Variants in FLG observed in about 807,000 individuals in gnomAD.
The protein encoded by FLG is epidermal filaggrin.
FLG carries 6 observed loss-of-function variants against 3.8 expected under a neutral mutation model. The observed-to-expected ratio is 1.60, with a 90% confidence interval of 0.87 to 3.15. The LOEUF is 3.15. FLG is among the 30% of genes most tolerant of loss of function. The probability of loss-of-function intolerance (pLI) is 0.00; values close to 1 mark genes in which losing one functional copy is unlikely to be tolerated. For missense variants in FLG, 7,595 were observed against 5,050.9 expected (o/e 1.50, Z -15.27); for synonymous variants, 2,551 against 1,931.6 (o/e 1.32, Z -8.41).
chr1:152,314,859 C>T, intron 2 of FLG, 112 bp from the exon 3 acceptor site: 1 of 1,343,750 alleles, frequency 7.4e-7, no homozygotes, highest in East Asian at 2.4e-5. Flanking sequence ...AAAAGTGGGA[C>T]AAAATCTTTT....
chr1:152,308,360 T>C lies in FLG; in HGVS notation c.6526A>G (p.Arg2176Gly). 6.2e-7 allele frequency: 1 copy of C among 1,613,762 alleles called. No homozygotes were observed. Among genetic ancestry groups the C allele is most frequent in the Admixed American group, 1.7e-5 (1 of 59,966 alleles). ...GACTGCCCACGGGAGGCATCAGACC[T>C]TCCCTGGGATGTGGTGTGGCTGTGA... is the stretch of plus-strand genomic sequence containing the variant. Reference protein sequence around the residue: ...SHHSHTTSQGRSDASRGQSGS... With the variant: ...SHHSHTTSQGGSDASRGQSGS... Residue 2176 changes from arginine (R) to glycine (G), a missense_variant, in exon 3 of 3, where the codon AGG becomes GGG. Arg to Gly is a moderately radical substitution (Grantham distance 125). Coordinates refer to ENST00000368799, the MANE Select transcript of FLG (RefSeq NM_002016.2).
rs773092738 is a variant in FLG, at chr1:152,303,869, C to T, written c.11017G>A (p.Asp3673Asn). ...GCTGACACTGACTGTGTGTCTGAGT[C>T]TTCTGAATGTCCCTCACTGTCACTG... is the stretch of plus-strand genomic sequence containing the variant. Reference protein sequence around the residue: ...QASDSEGHSEDSDTQSVSAHG... With the variant: ...QASDSEGHSENSDTQSVSAHG... The change falls in exon 3 of 3, where the codon GAC (aspartate) becomes AAC (asparagine). Residue 3673 changes from aspartate to asparagine, a missense_variant. Transcript: ENST00000368799. 1.2e-6 allele frequency: 2 copies of T among 1,613,860 alleles called. No homozygotes were observed. Among genetic ancestry groups the T allele is most frequent in the East Asian group, 2.2e-5 (1 of 44,776 alleles).
rs1160569356 is a variant in FLG at position 152,305,107 on chromosome 1, T to A, written c.9779A>T (p.Asp3260Val). 1.2e-6 allele frequency: 2 copies of A among 1,613,938 alleles called. No individual in the cohort carries two copies. The highest frequency in any genetic ancestry group is 1.1e-5 in the South Asian group (1 of 91,032). Residue 3260 changes from aspartate to valine, a missense_variant, in exon 3 of 3, where the codon GAC (aspartate) becomes GTC (valine). By Grantham distance (152) the Asp-to-Val change is radical. Coordinates refer to ENST00000368799, the MANE Select transcript of FLG (RefSeq NM_002016.2). ...GSRHPRSHHEDRAGHGHSADR... is the reference protein window; with the variant it reads ...GSRHPRSHHEVRAGHGHSADR... ...TGCAGAGTGCCCGTGACCGGCTCTGTCTTCGTGATGGGACCTGGGGTGTCT... is the reference window on the plus strand; with the variant it reads ...TGCAGAGTGCCCGTGACCGGCTCTGACTTCGTGATGGGACCTGGGGTGTCT...
At position 152,313,476 on chromosome 1, in the gene FLG, G is replaced by C. The variant is rs756739366; in HGVS notation, c.1410C>G (p.Tyr470Ter). The change falls in exon 3 of 3, where the codon TAC becomes TAG. Residue 470 changes from tyrosine to a stop codon, truncating the protein, a stop_gained. Coordinates refer to ENST00000368799, the MANE Select transcript of FLG (RefSeq NM_002016.2). LOFTEE classifies it low-confidence loss of function (END_TRUNC). ...ERSGRSGSSLYQVSTHEQPDS... is the reference protein window; with the variant it reads ...ERSGRSGSSL ...CAGGCTGTTCATGAGTGCTCACCTG[G>C]TAGAGGGAAGACCCTGAACGTCCAG... is the stretch of plus-strand genomic sequence containing the variant. The C allele has an allele frequency of 6.2e-7, 1 of 1,613,874 alleles. No individual in the cohort carries two copies. The highest frequency in any genetic ancestry group is 8.5e-7 in the Non-Finnish European group (1 of 1,179,976).
chr1:152,307,258 C>T lies in FLG; in HGVS notation c.7628G>A (p.Ser2543Asn), dbSNP rs12081093. The stretch of plus-strand genomic sequence containing the variant: ...CTGGCCCACCTGCGAGTGTCCAGAG[C>T]TGTCGGCCCGAGAGGAAGCTTCATG... Reference protein sequence around the residue: ...RHHEASSRADSSGHSQVGQGQ... With the variant: ...RHHEASSRADNSGHSQVGQGQ... The change falls in exon 3 of 3, where the codon AGC (serine) becomes AAC (asparagine). Residue 2543 changes from serine to asparagine, a missense_variant. Transcript: ENST00000368799. 7.5e-6 allele frequency: 12 copies of T among 1,608,598 alleles called. No homozygotes were observed. Among genetic ancestry groups the T allele is most frequent in the Middle Eastern group, 3.3e-4 (2 of 6,080 alleles).
At position 152,303,152 on chromosome 1, in the gene FLG, G is replaced by C. The variant is rs773196451; in HGVS notation, c.11734C>G (p.His3912Asp). 2 of 1,614,176 alleles carry C rather than the reference G, an allele frequency of 1.2e-6. No individual in the cohort carries two copies. The highest frequency in any genetic ancestry group is 2.2e-5 in the South Asian group (2 of 91,080). ...PGSSHRDTAS[H>D]VQSSPVQSDS... The stretch of plus-strand genomic sequence containing the variant: ...GACTGTACAGGTGAAGACTGTACAT[G>C]ACTGGCTGTATCGCGGTGAGAGGAT... The change falls in exon 3 of 3, where the codon CAT (histidine) becomes GAT (aspartate). Residue 3912 changes from histidine to aspartate, a missense_variant. Transcript: ENST00000368799.
Position 152,303,775 on chromosome 1 carries a change from G to A in FLG, c.11111C>T (p.Ser3704Phe). Residue 3704 changes from serine (S) to phenylalanine (F), a missense_variant, in exon 3 of 3, where the codon TCT becomes TTT. Transcript: ENST00000368799. ...GTAGAGGAAAGACCCTGAACGTCCA[G>A]ACCTTCCTGCTGACCGGCCACGTGT... ...ESTRGRSAGR[S>F]GRSGSFLYQV... 6.2e-7 allele frequency: 1 copy of A among 1,613,722 alleles called. No individual in the cohort carries two copies. Among genetic ancestry groups the A allele is most frequent in the Non-Finnish European group, 8.5e-7 (1 of 1,179,902 alleles).
chr1:152,315,589 T>TCCA, intron 1 of FLG, 112 bp from the exon 2 acceptor site: 1 of 781,574 alleles, frequency 1.3e-6, no homozygotes. Context: ...TAATCCATCT[T>TCCA]TAAGAATGGA....
intron 1 of FLG, 53 bp from the exon 2 acceptor site, chr1:152,315,530 A>G (rs1480839901): frequency 7.4e-7 from 1 of 1,342,956 alleles, no homozygotes; most frequent in Non-Finnish European, 1.0e-6. Flanking sequence ...TTTCTAGGTT[A>G]TATTATTACA....
In FLG at chr1:152,307,791, A is replaced by G. The variant is rs769069894; in HGVS notation, c.7095T>C (p.Gly2365=). ...VRDSGHRGSS[G]SQASDSEGHS... Reference sequence around the variant, plus strand: ...GTCCCTCACTGTCACTGGCCTGACTACCACTGGACCCTCGGTGTCCACTGT... The same window carrying G: ...GTCCCTCACTGTCACTGGCCTGACTGCCACTGGACCCTCGGTGTCCACTGT... The change falls in exon 3 of 3, where the codon GGT becomes GGC. Residue 2365 remains glycine, a synonymous_variant. Coordinates refer to ENST00000368799, the MANE Select transcript of FLG (RefSeq NM_002016.2). 7 of 1,612,596 alleles carry G rather than the reference A, an allele frequency of 4.3e-6. No homozygotes were observed. The highest frequency in any genetic ancestry group is 2.2e-5 in the South Asian group (2 of 90,978).
Position 152,303,585 on chromosome 1 carries a change from T to G in FLG, c.11301A>C (p.Gly3767=). ...GCTCGTGGTAGGATCCCTGTCTTCC[T>G]CCTCTCCTTGACCCCGGGTGTCCAC... is the stretch of plus-strand genomic sequence containing the variant. ...TIRGHPGSRR[G]GRQGSYHEQS... Residue 3767 remains glycine, a synonymous_variant, in exon 3 of 3, where the codon GGA becomes GGC. Transcript: ENST00000368799. 4.3e-6 allele frequency: 7 copies of G among 1,613,792 alleles called. No homozygotes were observed. Among genetic ancestry groups the G allele is most frequent in the Non-Finnish European group, 5.9e-6 (7 of 1,179,948 alleles).
rs777951825 is a variant in FLG, at chr1:152,313,387, G to A, written c.1499C>T (p.Ala500Val). 1 of 1,613,766 alleles carries A rather than the reference G, an allele frequency of 6.2e-7. No homozygotes were observed. The highest frequency in any genetic ancestry group is 8.5e-7 in the Non-Finnish European group (1 of 1,179,888). Residue 500 changes from alanine (A) to valine (V), a missense_variant, in exon 3 of 3, where the codon GCA (alanine) becomes GTA (valine). Coordinates refer to ENST00000368799, the MANE Select transcript of FLG (RefSeq NM_002016.2). ...CGCTGAATGCCTGGAGCTGTCTCGT[G>A]CCTGCTCGTGGTGCGATCCTTGTCT... ...GGRQGSHHEQ[A>V]RDSSRHSASQ...
rs746110595 is a variant in FLG, at chr1:152,312,555, C to T, written c.2331G>A (p.Glu777=). ...TTTCCCCTGACCGGTCACGTGCGGA[C>T]TCTTGGTGGCTCTGCTGATGGTGAC... ...QAGHHQQSHQ[E]SARDRSGERS... is the part of the protein sequence containing the mutation. Residue 777 remains glutamate, a synonymous_variant, in exon 3 of 3, where the codon GAG becomes GAA. Coordinates refer to ENST00000368799, the MANE Select transcript of FLG (RefSeq NM_002016.2). 5.0e-5 allele frequency: 81 copies of T among 1,613,762 alleles called. No individual in the cohort carries two copies. In the East Asian group the frequency reaches 1.7e-3, roughly 33 times the overall value.
At position 152,307,326 on chromosome 1, in the gene FLG, A is replaced by G. The variant is rs764511980; in HGVS notation, c.7560T>C (p.Asp2520=). The change falls in exon 3 of 3, where the codon GAT becomes GAC. Residue 2520 remains aspartate, a synonymous_variant. Transcript: ENST00000368799. ...SRSASRQTRN[D]EQSGDGSRHS... is the part of the protein sequence containing the mutation. ...GCCTGGAGCCGTCTCCTGATTGTTC[A>G]TCGTTACGAGTTTGTCTGCTTGCAC... 4.2e-5 allele frequency: 68 copies of G among 1,612,672 alleles called. No individual in the cohort carries two copies. In the African/African-American group the frequency reaches 6.7e-4, roughly 16 times the overall value.
Position 152,309,550 on chromosome 1 carries a change from T to C in FLG, c.5336A>G (p.His1779Arg), listed in dbSNP as rs370736769. 1.2e-6 allele frequency: 2 copies of C among 1,613,866 alleles called. No homozygotes were observed. Among genetic ancestry groups the C allele is most frequent in the Non-Finnish European group, 1.7e-6 (2 of 1,179,954 alleles). The change falls in exon 3 of 3, where the codon CAT becomes CGT. Residue 1779 changes from histidine to arginine, a missense_variant. Physicochemically the swap from His to Arg is conservative, Grantham distance 29 (BLOSUM62 0). Coordinates refer to ENST00000368799, the MANE Select transcript of FLG (RefSeq NM_002016.2). ...VSTHEQSESA[H>R]GRTGPSTGGR... ...TCCAGTGCTGGGCCCTGTGCGTCCA[T>C]GGGCGGACTCAGACTGTTCATGAGT...
chr1:152,310,657 A>G lies in FLG; in HGVS notation c.4229T>C (p.Val1410Ala). 1 of 1,613,790 alleles carries G rather than the reference A, an allele frequency of 6.2e-7. No homozygotes were observed. Among genetic ancestry groups the G allele is most frequent in the Non-Finnish European group, 8.5e-7 (1 of 1,179,924 alleles). ...GGGCCCAGCTTGTCCGTGGGCTGAC[A>G]CTGACTGTGTGTCTGAGTCTTCTGA... ...GHSEDSDTQS[V>A]SAHGQAGPHQ... Residue 1410 changes from valine to alanine, a missense_variant, in exon 3 of 3, where the codon GTG (valine) becomes GCG (alanine). Transcript: ENST00000368799.
In FLG at chr1:152,313,955, C is replaced by T; in HGVS notation, c.931G>A (p.Glu311Lys). 2 of 1,614,174 alleles carry T rather than the reference C, an allele frequency of 1.2e-6. No individual in the cohort carries two copies. The highest frequency in any genetic ancestry group is 1.1e-5 in the South Asian group (1 of 91,090). ...CTGGAAGCCGACCCAGAGTGCCTCT[C>T]AGAGTCTTCTGAGTGTCCCTCACTG... ...RDSEGHSEDSERHSGSASRNH... is the reference protein window; with the variant it reads ...RDSEGHSEDSKRHSGSASRNH... Residue 311 changes from glutamate (E) to lysine (K), a missense_variant, in exon 3 of 3, where the codon GAG becomes AAG. Coordinates refer to ENST00000368799, the MANE Select transcript of FLG (RefSeq NM_002016.2).
rs1305526965 is a variant in FLG at position 152,311,671 on chromosome 1, C to T, written c.3215G>A (p.Ser1072Asn). The T allele has an allele frequency of 1.2e-6, 2 of 1,614,130 alleles. No individual in the cohort carries two copies. The highest frequency in any genetic ancestry group is 1.7e-6 in the Non-Finnish European group (2 of 1,180,018). ...CTCCTCTGAATGTCCCTCACTATCA[C>T]TGGCCTGACTACCACTGGACCCCCA... ...GHWGSSGSQASDSEGHSEESD... is the reference protein window; with the variant it reads ...GHWGSSGSQANDSEGHSEESD... Residue 1072 changes from serine to asparagine, a missense_variant, in exon 3 of 3, where the codon AGT (serine) becomes AAT (asparagine). Coordinates refer to ENST00000368799, the MANE Select transcript of FLG (RefSeq NM_002016.2).
intron 1 of FLG, among the ~76,000 whole-genome samples, chr1:152,320,216 C>T (rs1652912782): frequency 1.3e-5 from 2 of 150,736 alleles, no homozygotes; most frequent in African/African-American, 4.9e-5. Flanking sequence ...AAAAGAAATA[C>T]AGAACAGGTG....
Sources: allele counts gnomAD v4.1 joint callset (sites outside exome capture counted in the v4.1 genomes callset), GRCh38; gene constraint gnomAD v4.1.1; transcripts MANE v1.5; gene names NCBI Gene and HGNC (gene_info 2026-07-23, HGNC 2026-07-21).